SORCS2: variants seen among roughly 807,000 people sequenced by gnomAD.
The protein encoded by SORCS2 is VPS10 domain-containing receptor SorCS2.
SORCS2 carries 100 observed loss-of-function variants against 141.6 expected under a neutral mutation model. The ratio of observed to expected loss-of-function variants is 0.71; its 90% confidence interval spans 0.60 to 0.83. The LOEUF (loss-of-function observed/expected upper bound fraction) is 0.83. Among genes scored for constraint, SORCS2 ranks in the 40% least tolerant of loss-of-function variants. The pLI is 0.00. For missense variants in SORCS2, 1,646 were observed against 1,560.2 expected (o/e 1.05, Z -0.93); for synonymous variants, 789 against 676.9 (o/e 1.17, Z -2.57).
chr4:7,724,420 A>G (rs1318777715), intron 19 of SORCS2, among the ~76,000 whole-genome samples: 2 of 109,340 alleles, frequency 1.8e-5, no homozygotes, highest in African/African-American at 8.1e-5. Context: ...GTGGGAATGG[A>G]TGGTGGTGGT....
intron 1 of SORCS2, among the ~76,000 whole-genome samples, chr4:7,252,020 C>A (rs1470469299): frequency 2.0e-5 from 3 of 152,154 alleles, no homozygotes; most frequent in Non-Finnish European, 4.4e-5. Context: ...ACGTATGGTG[C>A]CAGTCATATC....
At chr4:7,316,658 T>G (rs1426083019) in intron 1 of SORCS2, among the ~76,000 whole-genome samples, 2 of 152,206 alleles carry the variant, frequency 1.3e-5, no homozygotes, top group East Asian at 3.8e-4. Flanking sequence ...TATTAGCTAT[T>G]AAGGATGACA....
chr4:7,454,020 G>T (rs1396361418), intron 2 of SORCS2, among the ~76,000 whole-genome samples: 1 of 111,910 alleles, frequency 8.9e-6, no homozygotes, highest in Non-Finnish European at 1.8e-5. Context: ...CTGTGTTAGG[G>T]TCAGGTGCTG....
intron 1 of SORCS2, among the ~76,000 whole-genome samples, chr4:7,222,785 G>T (rs1188498964): frequency 6.6e-6 from 1 of 152,084 alleles, no homozygotes; most frequent in East Asian, 1.9e-4. Context: ...TCTGTGTGGG[G>T]TGTGGGTGCT....
chr4:7,538,791 C>T (rs12650256), intron 3 of SORCS2, among the ~76,000 whole-genome samples: 124,468 of 152,144 alleles, frequency 0.82, 53,537 homozygotes, highest in East Asian at 0.99. Flanking sequence ...CCCGTGTCTT[C>T]GTAGGGGAAC....
intron 3 of SORCS2, among the ~76,000 whole-genome samples, chr4:7,612,104 T>C (rs1718444576): frequency 6.6e-6 from 1 of 151,888 alleles, no homozygotes; most frequent in African/African-American, 2.4e-5. Context: ...GGGGCCTGGG[T>C]GGAGGTGCTG....
intron 3 of SORCS2, among the ~76,000 whole-genome samples, chr4:7,598,742 A>G (rs1271040804): frequency 6.6e-6 from 1 of 152,196 alleles, no homozygotes; most frequent in Non-Finnish European, 1.5e-5. Flanking sequence ...CAATAGACAT[A>G]ATATTCTTCA....
At chr4:7,695,179 C>G (rs913320553) in intron 11 of SORCS2, among the ~76,000 whole-genome samples, 1 of 149,416 alleles carries the variant, frequency 6.7e-6, no homozygotes, top group African/African-American at 2.5e-5. Flanking sequence ...GAGGGATGAT[C>G]AATTGGATGG....
At chr4:7,263,006 C>T (rs1321252095) in intron 1 of SORCS2, among the ~76,000 whole-genome samples, 3 of 152,162 alleles carry the variant, frequency 2.0e-5, no homozygotes, top group Admixed American at 6.5e-5. Context: ...CTCATCCTAA[C>T]AGTTTATATG....
intron 3 of SORCS2, among the ~76,000 whole-genome samples, chr4:7,555,081 G>A (rs1415248677): frequency 6.6e-6 from 1 of 152,176 alleles, no homozygotes. Context: ...CCTTGTTCAG[G>A]TTTCTCTCTG....
In SORCS2 at chr4:7,271,043, A is replaced by C. The variant is rs906868320; in HGVS notation, c.480+77917A>C. Among the ~76,000 whole-genome samples, 4 of 152,230 alleles carry C rather than the reference A, an allele frequency of 2.6e-5. No individual in the cohort carries two copies. The South Asian group carries it at 6.2e-4, about 24-fold the overall frequency. ...CTTGCTAAGGGAAGGGGACATTTCC[A>C]TGACAACCACAAGCCAGCCCCCAAG... is the stretch of plus-strand genomic sequence containing the variant. On this transcript the variant is annotated intron_variant, in intron 1 of 26. Transcript: ENST00000507866.
At chr4:7,215,898 C>T (rs1237602823) in intron 1 of SORCS2, among the ~76,000 whole-genome samples, 2 of 151,986 alleles carry the variant, frequency 1.3e-5, no homozygotes, top group East Asian at 3.9e-4. Flanking sequence ...TCAGCTCTAC[C>T]AATCAGCAGG....
At chr4:7,262,315 TATCC>T (rs1233866321) in intron 1 of SORCS2, among the ~76,000 whole-genome samples, 2 of 131,292 alleles carry the variant, frequency 1.5e-5, no homozygotes, top group Non-Finnish European at 3.3e-5. Context: ...TCCAACCACC[TATCC>T]ATCCATCCAT....
At chr4:7,438,460 A>T (rs911062840) in intron 2 of SORCS2, among the ~76,000 whole-genome samples, 2 of 152,226 alleles carry the variant, frequency 1.3e-5, no homozygotes, top group African/African-American at 4.8e-5. Context: ...TTAGAAAGGT[A>T]TTCTGAAAAT....
At chr4:7,557,082 T>C (rs1185827777) in intron 3 of SORCS2, among the ~76,000 whole-genome samples, 1 of 152,194 alleles carries the variant, frequency 6.6e-6, no homozygotes, top group East Asian at 1.9e-4. Flanking sequence ...TATGCTCTCC[T>C]CTCAGTGGGA....
intron 5 of SORCS2, 92 bp downstream of exon 5, chr4:7,654,299 C>T (rs1223692133): frequency 1.5e-6 from 2 of 1,331,214 alleles, no homozygotes; most frequent in East Asian, 2.5e-5. Flanking sequence ...CCTGCAGCTC[C>T]CTTTCCTCCT....
chr4:7,504,693 G>C (rs911763630), intron 2 of SORCS2, among the ~76,000 whole-genome samples: 2 of 152,212 alleles, frequency 1.3e-5, no homozygotes, highest in African/African-American at 4.8e-5. Context: ...ATATGCTGTC[G>C]CTATCACGAG....
intron 2 of SORCS2, among the ~76,000 whole-genome samples, chr4:7,435,841 C>A (rs1268753295): frequency 6.6e-6 from 1 of 152,248 alleles, no homozygotes; most frequent in African/African-American, 2.4e-5. Context: ...CACCTCTGGC[C>A]TAATTGCCAA....
chr4:7,433,951 G>A (rs1468184535), intron 2 of SORCS2: 2 of 1,613,710 alleles, frequency 1.2e-6, no homozygotes, highest in African/African-American at 2.7e-5. Context: ...AGAGCTGTTG[G>A]ACATGAGCCA....
Sources: gnomAD v4.1 joint callset for allele counts (sites outside exome capture counted in the v4.1 genomes callset) on GRCh38, gnomAD v4.1.1 for gene constraint, MANE v1.5 for transcripts, NCBI Gene and HGNC (gene_info 2026-07-23, HGNC 2026-07-21) for gene names.